The following STXBP5L variants were observed in gnomAD, a reference collection of about 807,000 sequenced individuals.
STXBP5L encodes syntaxin binding protein 5L.
STXBP5L carries 65 observed loss-of-function variants against 144.5 expected under a neutral mutation model. That is an observed-to-expected ratio of 0.45 (90% CI 0.37 to 0.55). STXBP5L has a LOEUF of 0.55. Ranked by LOEUF, STXBP5L falls within the 20% of genes least tolerant of loss-of-function variation. The pLI, the probability that STXBP5L is intolerant of heterozygous loss-of-function variation, is 0.00. For missense variants in STXBP5L, 1,298 were observed against 1,405.5 expected (o/e 0.92, Z 1.22); for synonymous variants, 505 against 469.6 (o/e 1.08, Z -0.97).
At chr3:121,346,826 G>C (rs2045010159) in intron 20 of STXBP5L, among the ~76,000 whole-genome samples, 1 of 151,430 alleles carries the variant, frequency 6.6e-6, no homozygotes, top group African/African-American at 2.4e-5. Context: ...AAATTTGTTT[G>C]AGTTCATTGT....
chr3:121,258,180 A>G (rs1208682443), intron 17 of STXBP5L, among the ~76,000 whole-genome samples: 2 of 152,232 alleles, frequency 1.3e-5, no homozygotes, highest in Non-Finnish European at 2.9e-5. Context: ...TTATGATTTT[A>G]GTAATAGAGT....
intron 15 of STXBP5L, among the ~76,000 whole-genome samples, chr3:121,253,333 T>A (rs1316457841): frequency 6.6e-6 from 1 of 151,834 alleles, no homozygotes; most frequent in Non-Finnish European, 1.5e-5. Flanking sequence ...TCCCTGGCTC[T>A]CTCTTTTACT....
chr3:121,273,054 T>C lies in STXBP5L; in HGVS notation c.1959-6751T>C, dbSNP rs139059334. ...TAAAGTTGATTTATACACCATCATT[T>C]CAGTACTACAATATTGTGAATTTAA... is the stretch of plus-strand genomic sequence containing the variant. On this transcript the variant is annotated intron_variant, in intron 18 of 26. Transcript: ENST00000471454. Among the ~76,000 whole-genome samples, 209 of 152,234 alleles carry C rather than the reference T, an allele frequency of 1.4e-3. 1 individual carries two copies. The highest frequency in any genetic ancestry group is 4.8e-3 in the African/African-American group (201 of 41,582).
intron 3 of STXBP5L, among the ~76,000 whole-genome samples, chr3:121,036,261 A>G (rs993252011): frequency 6.6e-6 from 1 of 152,158 alleles, no homozygotes; most frequent in African/African-American, 2.4e-5. Flanking sequence ...TGAACCCAGG[A>G]GGCAGAGGTT....
chr3:121,033,860 A>G (rs910262624), intron 3 of STXBP5L, among the ~76,000 whole-genome samples: 17 of 152,072 alleles, frequency 1.1e-4, no homozygotes, highest in African/African-American at 4.1e-4. Flanking sequence ...GCCTGTGAAA[A>G]CATGAATTAA....
chr3:121,327,999 C>G (rs1032093036), intron 20 of STXBP5L, among the ~76,000 whole-genome samples: 7 of 152,118 alleles, frequency 4.6e-5, no homozygotes, highest in Non-Finnish European at 1.5e-5. Context: ...CACAATGTGA[C>G]TTAAGGAGAT....
intron 20 of STXBP5L, among the ~76,000 whole-genome samples, chr3:121,374,982 T>C (rs545473800): frequency 8.3e-6 from 1 of 119,796 alleles, no homozygotes; most frequent in Non-Finnish European, 1.6e-5. Flanking sequence ...GGACATAGAG[T>C]GCAGAATAAT....
At chr3:121,033,585 AAC>A (rs1491497781) in intron 3 of STXBP5L, among the ~76,000 whole-genome samples, 10 of 150,794 alleles carry the variant, frequency 6.6e-5, no homozygotes, top group African/African-American at 1.2e-4. Context: ...AAAAAAAAAA[AAC>A]ATTAAAAAAT....
At chr3:121,063,654 C>G (rs1264528178) in intron 5 of STXBP5L, among the ~76,000 whole-genome samples, 3 of 152,210 alleles carry the variant, frequency 2.0e-5, no homozygotes, top group Admixed American at 6.5e-5. Context: ...AAGCCCCAGA[C>G]TGGGGCTGCT....
intron 19 of STXBP5L, among the ~76,000 whole-genome samples, chr3:121,305,031 G>T (rs2043289736): frequency 6.6e-6 from 1 of 152,018 alleles, no homozygotes; most frequent in African/African-American, 2.4e-5. Flanking sequence ...AATAAAGTAA[G>T]ATTATTAACT....
intron 20 of STXBP5L, among the ~76,000 whole-genome samples, chr3:121,374,783 G>A (rs2046134009): frequency 6.6e-6 from 1 of 151,968 alleles, no homozygotes; most frequent in Non-Finnish European, 1.5e-5. Flanking sequence ...GGGGTGTTGT[G>A]GAGGGAGGAA....
At chr3:120,986,177 T>A (rs12330501) in intron 3 of STXBP5L, among the ~76,000 whole-genome samples, 15,087 of 152,006 alleles carry the variant, frequency 0.099, 1,182 homozygotes, top group Admixed American at 0.2. Context: ...TATTGTTTAA[T>A]TTCTTCAAAT....
chr3:121,070,229 A>T (rs1350594524), intron 5 of STXBP5L, among the ~76,000 whole-genome samples: 2 of 152,242 alleles, frequency 1.3e-5, no homozygotes, highest in Non-Finnish European at 2.9e-5. Flanking sequence ...AAGTTACAGA[A>T]GCAAGAAACA....
At chr3:121,323,563 T>C (rs528399129) in intron 20 of STXBP5L, among the ~76,000 whole-genome samples, 59 of 152,288 alleles carry the variant, frequency 3.9e-4, no homozygotes, top group African/African-American at 1.2e-3. Context: ...GTTTCCAAGA[T>C]AATATAACAC....
chr3:121,332,078 A>G (rs913768900), intron 20 of STXBP5L, among the ~76,000 whole-genome samples: 3 of 151,964 alleles, frequency 2.0e-5, no homozygotes, highest in African/African-American at 2.4e-5. Flanking sequence ...CAAAAAAAAA[A>G]AGAAATTTTT....
rs150014402 is a variant in STXBP5L, at chr3:121,207,651, C to A, written c.956+1650C>A. On this transcript the variant is annotated intron_variant, in intron 10 of 26. Transcript: ENST00000471454. ...AAATTTACAAGAAAAAATCAAACAA[C>A]CCCATCAAAAAGTGGGTGAAGGACA... Among the ~76,000 whole-genome samples the A allele has an allele frequency of 6.8e-3, 1,036 of 152,260 alleles. 13 individuals carry two copies. The highest frequency in any genetic ancestry group is 0.024 in the African/African-American group (983 of 41,556).
At chr3:121,418,644 C>T in intron 26 of STXBP5L, 87 bp downstream of exon 26, 1 of 1,223,530 alleles carries the variant, frequency 8.2e-7, no homozygotes, top group African/African-American at 1.5e-5. Context: ...AAACAGAGAT[C>T]CACATAAGTA....
intron 20 of STXBP5L, among the ~76,000 whole-genome samples, chr3:121,347,284 A>T (rs1358677905): frequency 2.0e-5 from 3 of 152,094 alleles, no homozygotes. Flanking sequence ...ATTATTTCTG[A>T]GGGCTCTATT....
intron 20 of STXBP5L, among the ~76,000 whole-genome samples, chr3:121,354,585 G>A (rs1275194071): frequency 7.7e-6 from 1 of 129,234 alleles, no homozygotes; most frequent in African/African-American, 2.9e-5. Flanking sequence ...GCTTATGTGT[G>A]TCTTTGCATG....
Sources: gnomAD v4.1 joint callset for allele counts (sites outside exome capture counted in the v4.1 genomes callset) on GRCh38, gnomAD v4.1.1 for gene constraint, MANE v1.5 for transcripts, NCBI Gene and HGNC (gene_info 2026-07-23, HGNC 2026-07-21) for gene names.